The following ERC2 variants were observed in gnomAD, a reference collection of about 807,000 sequenced individuals.
ERC2 encodes the protein ERC protein 2.
A neutral mutation model predicts 114.8 loss-of-function variants in ERC2; 42 were observed. The ratio of observed to expected loss-of-function variants is 0.37; its 90% CI spans 0.29 to 0.47. ERC2 has a LOEUF of 0.47. Ranked by LOEUF, ERC2 falls within the 20% of genes least tolerant of loss-of-function variation. The pLI, the probability that ERC2 is intolerant of heterozygous loss-of-function variation, is 0.99. For synonymous variants in ERC2, 454 were observed against 425.5 expected, an observed-to-expected ratio of 1.07 and a Z score of -0.82; for missense variants, 939 against 1,150.7, an observed-to-expected ratio of 0.82 and a Z score of 2.66.
chr3:55,796,696 A>G (rs1195493521), intron 14 of ERC2, among the ~76,000 whole-genome samples: 1 of 152,184 alleles, frequency 6.6e-6, no homozygotes, highest in Non-Finnish European at 1.5e-5. Flanking sequence ...AAGTGCTGGG[A>G]TTACAGGCAT....
chr3:55,711,511 T>G (rs1307478706), intron 15 of ERC2, among the ~76,000 whole-genome samples: 6 of 152,344 alleles, frequency 3.9e-5, no homozygotes, highest in African/African-American at 1.4e-4. Context: ...TTCCTCATCA[T>G]TAATGGTTGC....
At chr3:55,609,705 C>T (rs974019324) in intron 17 of ERC2, among the ~76,000 whole-genome samples, 12 of 152,056 alleles carry the variant, frequency 7.9e-5, no homozygotes, top group African/African-American at 2.9e-4. Context: ...CTCCTGCTTG[C>T]GACAGTTAAA....
chr3:56,424,927 C>T (rs983365444), intron 2 of ERC2, among the ~76,000 whole-genome samples: 3 of 152,108 alleles, frequency 2.0e-5, no homozygotes, highest in Admixed American at 6.6e-5. Context: ...CACTTCAACT[C>T]GGAATTAAAA....
chr3:55,523,451 C>A (rs2053097698), intron 17 of ERC2, among the ~76,000 whole-genome samples: 1 of 152,206 alleles, frequency 6.6e-6, no homozygotes, highest in Admixed American at 6.5e-5. Context: ...CATCCTTTAT[C>A]TGGCTACCTT....
At chr3:55,786,018 C>A (rs887657941) in intron 14 of ERC2, among the ~76,000 whole-genome samples, 7 of 152,090 alleles carry the variant, frequency 4.6e-5, no homozygotes, top group African/African-American at 1.7e-4. Context: ...AATTGACTAC[C>A]ACTTATGGAT....
chr3:55,892,526 G>A (rs1426532359), intron 13 of ERC2, among the ~76,000 whole-genome samples: 1 of 151,998 alleles, frequency 6.6e-6, no homozygotes, highest in Non-Finnish European at 1.5e-5. Context: ...CTGTCTCAAA[G>A]AAAAGAAAAA....
intron 13 of ERC2, among the ~76,000 whole-genome samples, chr3:55,930,470 C>T (rs2066011130): frequency 6.6e-6 from 1 of 152,122 alleles, no homozygotes; most frequent in Non-Finnish European, 1.5e-5. Flanking sequence ...ACCATCTGAT[C>T]TTTGACAAAC....
At chr3:55,773,275 C>G (rs1452894867) in intron 14 of ERC2, among the ~76,000 whole-genome samples, 1 of 152,178 alleles carries the variant, frequency 6.6e-6, no homozygotes. Context: ...TTTGCACTGG[C>G]CATGCCCTCT....
chr3:56,187,063 A>G (rs752358607), intron 3 of ERC2, among the ~76,000 whole-genome samples: 4 of 152,198 alleles, frequency 2.6e-5, no homozygotes, highest in Non-Finnish European at 5.9e-5. Flanking sequence ...GGTGTTGTAT[A>G]GGAAATCTAA....
At chr3:55,956,899 G>A (rs2067992978) in intron 12 of ERC2, among the ~76,000 whole-genome samples, 1 of 151,786 alleles carries the variant, frequency 6.6e-6, no homozygotes, top group Non-Finnish European at 1.5e-5. Flanking sequence ...CTCCCCTGAG[G>A]TGAGTACCAT....
chr3:55,789,647 A>G (rs1240554000), intron 14 of ERC2, among the ~76,000 whole-genome samples: 2 of 152,240 alleles, frequency 1.3e-5, no homozygotes, highest in African/African-American at 4.8e-5. Context: ...GTCAGGTACA[A>G]TTGCTATCAT....
chr3:56,443,191 T>TG (rs1380266785), intron 1 of ERC2, among the ~76,000 whole-genome samples: 1 of 152,360 alleles, frequency 6.6e-6, no homozygotes, highest in African/African-American at 2.4e-5. Context: ...AGTAAGAGGC[T>TG]GTGGAAACAC....
At chr3:55,833,081 C>G (rs993740388) in intron 14 of ERC2, among the ~76,000 whole-genome samples, 1 of 149,334 alleles carries the variant, frequency 6.7e-6, no homozygotes, top group African/African-American at 2.5e-5. Flanking sequence ...AAGAAATGAA[C>G]AAAGCCTCCA....
At chr3:55,582,790 G>A (rs2057325602) in intron 17 of ERC2, among the ~76,000 whole-genome samples, 1 of 152,206 alleles carries the variant, frequency 6.6e-6, no homozygotes, top group Admixed American at 6.5e-5. Context: ...ATTACAAATA[G>A]CTGAGAAGTC....
intron 6 of ERC2, among the ~76,000 whole-genome samples, chr3:56,114,828 T>C (rs138495102): frequency 6.6e-6 from 1 of 152,198 alleles, no homozygotes; most frequent in Non-Finnish European, 1.5e-5. Context: ...AAGAATTGAG[T>C]TGATAGTTTA....
At chr3:56,006,663 A>G (rs1576536105) in intron 10 of ERC2, among the ~76,000 whole-genome samples, 1 of 152,094 alleles carries the variant, frequency 6.6e-6, no homozygotes, top group African/African-American at 2.4e-5. Context: ...AAGCTTTCTT[A>G]GACAGTAAGG....
chr3:55,804,332 C>A (rs947125908), intron 14 of ERC2, among the ~76,000 whole-genome samples: 9 of 152,254 alleles, frequency 5.9e-5, no homozygotes, highest in Non-Finnish European at 1.2e-4. Flanking sequence ...CCATTAAACA[C>A]ATTCCTTTGG....
At chr3:56,355,285 CT>C (rs11427045) in intron 2 of ERC2, among the ~76,000 whole-genome samples, 18 of 149,514 alleles carry the variant, frequency 1.2e-4, no homozygotes, top group East Asian at 3.9e-4. Context: ...ATTATTTCAC[CT>C]TTTTTTTTCT....
chr3:55,911,102 C>A (rs1018674253), intron 13 of ERC2, among the ~76,000 whole-genome samples: 3 of 152,146 alleles, frequency 2.0e-5, no homozygotes, highest in African/African-American at 7.2e-5. Flanking sequence ...TATTTCACAA[C>A]TTCATCTAAA....
Sources: gnomAD v4.1 joint callset for allele counts (sites outside exome capture counted in the v4.1 genomes callset) on GRCh38, gnomAD v4.1.1 for gene constraint, MANE v1.5 for transcripts, NCBI Gene and HGNC (gene_info 2026-07-23, HGNC 2026-07-21) for gene names.